WWOX: variants seen among roughly 807,000 people sequenced by gnomAD.
The protein encoded by WWOX is WW domain containing oxidoreductase.
A neutral mutation model predicts 46.2 loss-of-function variants in WWOX; 69 were observed. The observed-to-expected ratio is 1.49, with a 90% CI of 1.23 to 1.82. The LOEUF (loss-of-function observed/expected upper bound fraction) is 1.82, where lower values mean the gene tolerates loss of function less well. WWOX is among the 40% of genes most tolerant of loss of function. WWOX has a pLI of 0.00. For synonymous variants in WWOX, 359 were observed against 202.6 expected (o/e 1.77, Z -6.56); for missense variants, 919 against 542.6 (o/e 1.69, Z -6.89).
intron 8 of WWOX, among the ~76,000 whole-genome samples, chr16:78,941,410 C>T (rs1465428436): frequency 2.0e-5 from 3 of 151,768 alleles, no homozygotes; most frequent in South Asian, 4.1e-4. Flanking sequence ...GGAGACAGAG[C>T]GTTAGCCGTT....
chr16:78,771,825 A>G (rs1227228455), intron 8 of WWOX, among the ~76,000 whole-genome samples: 5 of 152,062 alleles, frequency 3.3e-5, no homozygotes, highest in South Asian at 2.1e-4. Context: ...GAGTTGGATC[A>G]CAGCAAAGGT....
intron 8 of WWOX, among the ~76,000 whole-genome samples, chr16:78,767,650 C>A (rs1024671960): frequency 6.6e-6 from 1 of 152,168 alleles, no homozygotes; most frequent in Non-Finnish European, 1.5e-5. Flanking sequence ...GCCAAACTGT[C>A]TTCAACAGCA....
intron 8 of WWOX, among the ~76,000 whole-genome samples, chr16:78,861,845 G>C (rs1172198779): frequency 6.6e-6 from 1 of 152,166 alleles, no homozygotes; most frequent in Non-Finnish European, 1.5e-5. Context: ...AATACACCAT[G>C]TTTCCAGGCC....
chr16:78,806,799 G>A (rs192443522), intron 8 of WWOX, among the ~76,000 whole-genome samples: 1 of 152,174 alleles, frequency 6.6e-6, no homozygotes, highest in Admixed American at 6.5e-5. Context: ...CACCTCTTCT[G>A]GAAGAGAATG....
chr16:78,980,747 C>A (rs999102174), intron 8 of WWOX, among the ~76,000 whole-genome samples: 1 of 152,150 alleles, frequency 6.6e-6, no homozygotes, highest in South Asian at 2.1e-4. Flanking sequence ...TTAGCTACTA[C>A]CTTTCTTACT....
At chr16:78,501,900 A>G (rs1043332050) in intron 8 of WWOX, among the ~76,000 whole-genome samples, 2 of 152,118 alleles carry the variant, frequency 1.3e-5, no homozygotes, top group Admixed American at 6.6e-5. Flanking sequence ...TGGGGTGGCA[A>G]TGAAAGGTGA....
chr16:78,861,616 A>C (rs2043887235), intron 8 of WWOX, among the ~76,000 whole-genome samples: 1 of 152,120 alleles, frequency 6.6e-6, no homozygotes, highest in African/African-American at 2.4e-5. Context: ...TCATCATCAC[A>C]CCCAAAAACA....
At chr16:79,181,420 T>G (rs1362800173) in intron 8 of WWOX, among the ~76,000 whole-genome samples, 2 of 152,194 alleles carry the variant, frequency 1.3e-5, no homozygotes, top group East Asian at 3.8e-4. Context: ...TATATGTTAT[T>G]ATATACTGCT....
At chr16:78,886,050 G>C (rs1048822034) in intron 8 of WWOX, among the ~76,000 whole-genome samples, 2 of 150,774 alleles carry the variant, frequency 1.3e-5, no homozygotes, top group African/African-American at 4.9e-5. Context: ...TCAGCATCCT[G>C]AGTAGCTGGG....
chr16:78,662,185 A>T (rs1021608189), intron 8 of WWOX, among the ~76,000 whole-genome samples: 5 of 152,140 alleles, frequency 3.3e-5, no homozygotes, highest in Non-Finnish European at 7.4e-5. Context: ...TACTCTGAGG[A>T]TGAATTGCCT....
chr16:78,492,628 T>G (rs567555018), intron 8 of WWOX, among the ~76,000 whole-genome samples: 1 of 152,218 alleles, frequency 6.6e-6, no homozygotes, highest in Non-Finnish European at 1.5e-5. Flanking sequence ...CAAAGAAGAC[T>G]GAATTTATGA....
intron 5 of WWOX, among the ~76,000 whole-genome samples, chr16:78,192,424 G>A (rs981630864): frequency 1.9e-4 from 28 of 149,016 alleles, no homozygotes; most frequent in African/African-American, 6.7e-4. Flanking sequence ...CCCAGTAGGC[G>A]GAGGTTGCAG....
rs1389095143 is a variant in WWOX at position 78,756,876 on chromosome 16, T to C, written c.1056+324124T>C. ...TATTGCAGACATCAGAGCATGTGACTTACGAGGCTAGACCATAAAAATATT... is the reference window on the plus strand; with the variant it reads ...TATTGCAGACATCAGAGCATGTGACCTACGAGGCTAGACCATAAAAATATT... On this transcript the variant is annotated intron_variant, in intron 8 of 8. Coordinates refer to ENST00000566780, the MANE Select transcript of WWOX (RefSeq NM_016373.4). 4.3e-6 allele frequency: 3 copies of C among 702,412 alleles called. No homozygotes were observed. The African/African-American group carries it at 5.2e-5, about 12-fold the overall frequency. The allele number at this position is 702,412 out of a possible 1,614,324, so 43.5% of individuals were successfully genotyped here.
At chr16:78,276,063 A>T (rs4594264) in intron 5 of WWOX, among the ~76,000 whole-genome samples, 11,791 of 152,186 alleles carry the variant, frequency 0.077, 521 homozygotes, top group Middle Eastern at 0.19. Context: ...TCTGAGACAG[A>T]CTGACAGTAT....
chr16:79,185,376 T>A (rs759075126), intron 8 of WWOX, among the ~76,000 whole-genome samples: 4 of 152,190 alleles, frequency 2.6e-5, no homozygotes, highest in Non-Finnish European at 5.9e-5. Flanking sequence ...ATTTACAGTT[T>A]GAGGGGAAAA....
At chr16:78,634,831 AGAGAGAGTGTGTGTGT>A (rs1269588773) in intron 8 of WWOX, among the ~76,000 whole-genome samples, 3 of 111,274 alleles carry the variant, frequency 2.7e-5, no homozygotes, top group Non-Finnish European at 5.8e-5. Flanking sequence ...AGAGAGAGAG[AGAGAGAGTGTGTGTGT>A]GTGTGTGTGT....
At chr16:79,176,168 A>G (rs139944642) in intron 8 of WWOX, among the ~76,000 whole-genome samples, 176 of 152,290 alleles carry the variant, frequency 1.2e-3, no homozygotes, top group Admixed American at 3.7e-3. Context: ...AGCCCCCAAA[A>G]TGCATTATAG....
chr16:78,640,982 G>T (rs2046694219), intron 8 of WWOX, among the ~76,000 whole-genome samples: 1 of 151,670 alleles, frequency 6.6e-6, no homozygotes, highest in Admixed American at 6.6e-5. Context: ...AGGACAGATG[G>T]AAGGAAGGAA....
At chr16:78,640,713 C>T (rs2046686516) in intron 8 of WWOX, among the ~76,000 whole-genome samples, 1 of 151,984 alleles carries the variant, frequency 6.6e-6, no homozygotes, top group African/African-American at 2.4e-5. Context: ...TCGAGGCAGG[C>T]AGATTGCCTG....
Sources: gnomAD v4.1 joint callset for allele counts (sites outside exome capture counted in the v4.1 genomes callset) on GRCh38, gnomAD v4.1.1 for gene constraint, MANE v1.5 for transcripts, NCBI Gene and HGNC (gene_info 2026-07-23, HGNC 2026-07-21) for gene names.